NALF1: variants seen among roughly 807,000 people sequenced by gnomAD.
NALF1 encodes the protein NALCN channel auxiliary factor 1.
NALF1 carries 3 observed loss-of-function variants against 48.4 expected under a neutral mutation model. The ratio of observed to expected loss-of-function variants is 0.06; its 90% confidence interval spans 0.03 to 0.16. The LOEUF (loss-of-function observed/expected upper bound fraction) is 0.16, where lower values mean the gene tolerates loss of function less well. NALF1 is among the 10% of genes least tolerant of loss of function. The pLI, the probability that NALF1 is intolerant of heterozygous loss-of-function variation, is 1.00. For synonymous variants in NALF1, 262 were observed against 245.7 expected (o/e 1.07, Z -0.62); for missense variants, 526 against 571.5 (o/e 0.92, Z 0.81).
chr13:107,638,792 G>C (rs966263829), intron 1 of NALF1, among the ~76,000 whole-genome samples: 1 of 152,064 alleles, frequency 6.6e-6, no homozygotes, highest in Non-Finnish European at 1.5e-5. Context: ...GCTAGGCAAG[G>C]GCTGTGGGAT....
At chr13:107,506,051 A>G (rs1449316826) in intron 1 of NALF1, among the ~76,000 whole-genome samples, 1 of 152,146 alleles carries the variant, frequency 6.6e-6, no homozygotes, top group East Asian at 1.9e-4. Context: ...TTGTTATAAG[A>G]ACAGTTTTAA....
At chr13:107,426,057 C>T (rs1441039464) in intron 1 of NALF1, among the ~76,000 whole-genome samples, 1 of 152,174 alleles carries the variant, frequency 6.6e-6, no homozygotes, top group Non-Finnish European at 1.5e-5. Flanking sequence ...TTACTCGCTG[C>T]TGTGCACTTT....
chr13:107,603,342 T>C (rs1449913764), intron 1 of NALF1, among the ~76,000 whole-genome samples: 1 of 152,212 alleles, frequency 6.6e-6, no homozygotes, highest in African/African-American at 2.4e-5. Flanking sequence ...GATTGCCATG[T>C]GCTAGCCAAA....
At chr13:107,808,670 A>T (rs79674770) in intron 1 of NALF1, among the ~76,000 whole-genome samples, 6,654 of 36,122 alleles carry the variant, frequency 0.18, 508 homozygotes, top group East Asian at 0.55. Flanking sequence ...ATACAGATTT[A>T]AAAAAAAAAA....
rs1016879816 is a variant in NALF1, at chr13:107,738,365, T to C, written c.915+127317A>G. Reference sequence around the variant, plus strand: ...TACGCATTCTGTGGACTCATGATCTTAAATCCATTGGTCCAATTGAACAAC... The same window carrying C: ...TACGCATTCTGTGGACTCATGATCTCAAATCCATTGGTCCAATTGAACAAC... On this transcript the variant is annotated intron_variant, in intron 1 of 2. Coordinates refer to ENST00000375915, the MANE Select transcript of NALF1 (RefSeq NM_001080396.3). Among the ~76,000 whole-genome samples, 6 of 152,184 alleles carry C rather than the reference T, an allele frequency of 3.9e-5. No homozygotes were observed. In the East Asian group the frequency reaches 1.2e-3, roughly 29 times the overall value.
At chr13:107,668,591 A>T (rs1032135433) in intron 1 of NALF1, among the ~76,000 whole-genome samples, 1 of 152,028 alleles carries the variant, frequency 6.6e-6, no homozygotes, top group Non-Finnish European at 1.5e-5. Context: ...ATGATGAATA[A>T]TTATATTTCT....
chr13:107,703,082 A>T (rs1306071115), intron 1 of NALF1, among the ~76,000 whole-genome samples: 3 of 152,174 alleles, frequency 2.0e-5, no homozygotes, highest in Non-Finnish European at 4.4e-5. Flanking sequence ...TTGCTGGGTC[A>T]AATGGTATTT....
chr13:107,209,437 G>A (rs2138803177), intron 2 of NALF1, among the ~76,000 whole-genome samples: 1 of 150,992 alleles, frequency 6.6e-6, no homozygotes, highest in South Asian at 2.1e-4. Context: ...AACCCCGGAG[G>A]CGGAGCTTAA....
At chr13:107,343,112 A>G (rs1882711965) in intron 1 of NALF1, among the ~76,000 whole-genome samples, 1 of 152,236 alleles carries the variant, frequency 6.6e-6, no homozygotes, top group South Asian at 2.1e-4. Flanking sequence ...CTCCCAGGAT[A>G]GATCACACAT....
chr13:107,511,227 CA>C (rs1875880213), intron 1 of NALF1, among the ~76,000 whole-genome samples: 1 of 152,170 alleles, frequency 6.6e-6, no homozygotes, highest in Non-Finnish European at 1.5e-5. Flanking sequence ...AAGCAAGTCT[CA>C]AATCCGACTC....
intron 1 of NALF1, among the ~76,000 whole-genome samples, chr13:107,457,317 T>C (rs534513719): frequency 6.6e-6 from 1 of 152,124 alleles, no homozygotes; most frequent in Non-Finnish European, 1.5e-5. Context: ...CTACCTCAGT[T>C]TACTGGTGAG....
In NALF1 at chr13:107,865,632, A is replaced by G. The variant is rs537573582; in HGVS notation, c.915+50T>C. The G allele has an allele frequency of 6.4e-6, 10 of 1,573,090 alleles. No homozygotes were observed. The South Asian group carries it at 1.2e-4, about 19-fold the overall frequency. ...TAAACTTGAGAAGACACCCCAACCA[A>G]GCAGAGATAGGAAAGTGCAGGAAAG... is the stretch of plus-strand genomic sequence containing the variant. On this transcript the variant is annotated intron_variant, in intron 1 of 2. Coordinates refer to ENST00000375915, the MANE Select transcript of NALF1 (RefSeq NM_001080396.3).
chr13:107,664,809 G>A (rs931833599), intron 1 of NALF1, among the ~76,000 whole-genome samples: 2 of 152,024 alleles, frequency 1.3e-5, no homozygotes, highest in African/African-American at 2.4e-5. Context: ...ACCCAAGCAC[G>A]TTTTTCTGTA....
intron 1 of NALF1, among the ~76,000 whole-genome samples, chr13:107,416,429 C>G (rs1884090389): frequency 6.6e-6 from 1 of 152,016 alleles, no homozygotes; most frequent in Non-Finnish European, 1.5e-5. Context: ...AAAACCAGCC[C>G]CTCCTCTTCC....
chr13:107,404,617 T>G (rs1487905011), intron 1 of NALF1, among the ~76,000 whole-genome samples: 1 of 152,092 alleles, frequency 6.6e-6, no homozygotes, highest in Non-Finnish European at 1.5e-5. Flanking sequence ...CACAGAGATG[T>G]CAGAGATGAT....
chr13:107,348,126 G>C (rs77933517), intron 1 of NALF1, among the ~76,000 whole-genome samples: 12,774 of 152,196 alleles, frequency 0.084, 689 homozygotes, highest in East Asian at 0.18. Flanking sequence ...GAGATTGCTT[G>C]AAACTAGTTT....
intron 1 of NALF1, among the ~76,000 whole-genome samples, chr13:107,325,877 TATATATATATAC>T (rs1335089840): frequency 1.1e-4 from 11 of 102,974 alleles, no homozygotes; most frequent in East Asian, 2.8e-4. Flanking sequence ...TATATATATA[TATATATATATAC>T]ACACACACAC....
In NALF1 at chr13:107,776,101, G is replaced by C. The variant is rs546522033; in HGVS notation, c.915+89581C>G. ...AGCTGTAGCTTTTGAAAGCAGTTGG[G>C]AGAGAACAAAACAAATGCACAAACT... On this transcript the variant is annotated intron_variant, in intron 1 of 2. Transcript: ENST00000375915. Among the ~76,000 whole-genome samples the C allele has an allele frequency of 4.6e-5, 7 of 152,294 alleles. No individual in the cohort carries two copies. The East Asian group carries it at 1.2e-3, about 25-fold the overall frequency.
chr13:107,437,284 T>C (rs1884478670), intron 1 of NALF1, among the ~76,000 whole-genome samples: 1 of 152,176 alleles, frequency 6.6e-6, no homozygotes, highest in Non-Finnish European at 1.5e-5. Context: ...CTATCCTGTA[T>C]TGTTGGTAGG....
Sources: gnomAD v4.1 joint callset for allele counts (sites outside exome capture counted in the v4.1 genomes callset) on GRCh38, gnomAD v4.1.1 for gene constraint, MANE v1.5 for transcripts, NCBI Gene and HGNC (gene_info 2026-07-23, HGNC 2026-07-21) for gene names.